PDE4D: variants seen among roughly 807,000 people sequenced by gnomAD.
PDE4D encodes phosphodiesterase 4D.
Under a neutral mutation model 87.4 loss-of-function variants are expected in PDE4D, and 24 were observed. The observed-to-expected ratio is 0.27, with a 90% CI of 0.20 to 0.39. The LOEUF (loss-of-function observed/expected upper bound fraction) is 0.39, where lower values mean the gene tolerates loss of function less well. PDE4D is among the 10% of genes least tolerant of loss of function. PDE4D has a pLI of 1.00. For missense variants in PDE4D, 714 were observed against 1,041.0 expected (o/e 0.69, Z 4.32); for synonymous variants, 384 against 383.2 (o/e 1.00, Z -0.02).
At chr5:59,561,763 C>G (rs1419890198) in intron 1 of PDE4D, among the ~76,000 whole-genome samples, 1 of 151,610 alleles carries the variant, frequency 6.6e-6, no homozygotes, top group Non-Finnish European at 1.5e-5. Context: ...AAACCCGTCT[C>G]TACTAAAAAT....
chr5:59,566,035 G>C (rs1820824720), intron 1 of PDE4D, among the ~76,000 whole-genome samples: 2 of 152,204 alleles, frequency 1.3e-5, no homozygotes, highest in South Asian at 4.1e-4. Context: ...ACATGCATAT[G>C]AGTGGGTGGG....
rs76612193 is a variant in PDE4D, at chr5:60,193,230, G to A, written c.-89-7543C>T. Among the ~76,000 whole-genome samples the A allele has an allele frequency of 4.7e-3, 710 of 152,204 alleles. 12 individuals carry two copies. The highest frequency in any genetic ancestry group is 0.016 in the African/African-American group (680 of 41,498). On this transcript the variant is annotated intron_variant, in intron 1 of 16. Coordinates refer to the PDE4D transcript ENST00000502484. ...CCTGCCTGTGCTAGTTTCCGGGAAT[G>A]CAAAACACATGGAACATGAGACAAA...
At chr5:59,641,402 G>A (rs1466107689) in intron 1 of PDE4D, among the ~76,000 whole-genome samples, 1 of 152,196 alleles carries the variant, frequency 6.6e-6, no homozygotes, top group Non-Finnish European at 1.5e-5. Context: ...GACTTCCCGT[G>A]TGTTCCTTCA....
In PDE4D at chr5:59,528,873, A is replaced by C. The variant is rs556432706; in HGVS notation, c.456-312905T>G. On this transcript the variant is annotated intron_variant, in intron 1 of 14. Transcript: ENST00000340635. ...GCTGGGTCACCAAAATGTCATTCCC[A>C]AAGTTTACTCCATCGCACCTGGCCA... 5.3e-5 allele frequency: 16 copies of C among 300,826 alleles called. No individual in the cohort carries two copies. In the Admixed American group the frequency reaches 6.3e-4, roughly 12 times the overall value. The allele number at this position is 300,826 out of a possible 1,614,324, so 18.6% of individuals were successfully genotyped here.
At chr5:59,789,828 G>A (rs1304554496) in intron 1 of PDE4D, among the ~76,000 whole-genome samples, 3 of 152,106 alleles carry the variant, frequency 2.0e-5, no homozygotes, top group African/African-American at 4.8e-5. Context: ...GTCCTGATTC[G>A]ATTTCATCCA....
chr5:60,375,996 G>A (rs912688306), intron 1 of PDE4D, among the ~76,000 whole-genome samples: 13 of 152,090 alleles, frequency 8.5e-5, no homozygotes, highest in East Asian at 1.9e-4. Flanking sequence ...CTGAGATCGC[G>A]CCACTGCACT....
intron 1 of PDE4D, among the ~76,000 whole-genome samples, chr5:59,505,056 C>T (rs1809007362): frequency 6.6e-6 from 1 of 152,014 alleles, no homozygotes; most frequent in South Asian, 2.1e-4. Flanking sequence ...TCTGAATCCA[C>T]ACAATGGATA....
At chr5:59,914,870 T>G (rs1228983508) in intron 3 of PDE4D, among the ~76,000 whole-genome samples, 2 of 39,028 alleles carry the variant, frequency 5.1e-5, no homozygotes, top group African/African-American at 3.2e-4. Context: ...GATAGGGGTG[T>G]GTGTGTGTGT....
intron 1 of PDE4D, among the ~76,000 whole-genome samples, chr5:60,414,240 TG>T (rs1211242273): frequency 6.6e-6 from 1 of 152,226 alleles, no homozygotes; most frequent in Non-Finnish European, 1.5e-5. Context: ...ATCCATACAT[TG>T]TTTTTATATT....
intron 1 of PDE4D, among the ~76,000 whole-genome samples, chr5:59,423,023 T>A (rs2153628082): frequency 6.6e-6 from 1 of 152,322 alleles, no homozygotes; most frequent in Non-Finnish European, 1.5e-5. Flanking sequence ...AATCACTTGT[T>A]TCTCTCCAAA....
At chr5:59,526,188 A>G (rs1264082811) in intron 1 of PDE4D, among the ~76,000 whole-genome samples, 1 of 152,210 alleles carries the variant, frequency 6.6e-6, no homozygotes, top group Middle Eastern at 3.2e-3. Flanking sequence ...GGCAGACCAC[A>G]GAGCTTAGAA....
chr5:59,386,270 T>C (rs1470558252), intron 1 of PDE4D, among the ~76,000 whole-genome samples: 4 of 152,170 alleles, frequency 2.6e-5, no homozygotes, highest in African/African-American at 4.8e-5. Flanking sequence ...AACTGTTACA[T>C]TGAATACTAG....
At chr5:59,099,517 A>G (rs1208143286) in intron 5 of PDE4D, among the ~76,000 whole-genome samples, 4 of 152,228 alleles carry the variant, frequency 2.6e-5, no homozygotes, top group Non-Finnish European at 5.9e-5. Flanking sequence ...ACATGTTTAC[A>G]TGGCCACTAA....
intron 1 of PDE4D, among the ~76,000 whole-genome samples, chr5:59,551,323 T>A (rs1818079915): frequency 6.7e-6 from 1 of 149,750 alleles, no homozygotes; most frequent in Admixed American, 6.7e-5. Context: ...AATAAATATT[T>A]AATAAAATAT....
rs191511906 is a variant in PDE4D, at chr5:59,756,623, C to T, written c.455+136545G>A. ...TTTTTTTCCACTATGGCAATCAAAA[C>T]CAACATCACCAGGACTTCTAGTCTG... On this transcript the variant is annotated intron_variant, in intron 1 of 14. Coordinates refer to ENST00000340635, the MANE Select transcript of PDE4D (RefSeq NM_001104631.2). Among the ~76,000 whole-genome samples the T allele has an allele frequency of 5.3e-5, 8 of 151,816 alleles. No individual in the cohort carries two copies. The East Asian group carries it at 1.5e-3, about 29-fold the overall frequency.
chr5:60,402,090 C>T (rs761865841), intron 1 of PDE4D, among the ~76,000 whole-genome samples: 8 of 152,178 alleles, frequency 5.3e-5, no homozygotes, highest in Non-Finnish European at 8.8e-5. Context: ...TGACTTCAAA[C>T]GCTCTCTCTC....
intron 12 of PDE4D, 143 bp downstream of exon 12, chr5:58,977,048 T>C: frequency 1.4e-6 from 1 of 699,584 alleles, no homozygotes; most frequent in Non-Finnish European, 2.3e-6. Flanking sequence ...ACAGCCAGCA[T>C]CACGGGCAGC....
At chr5:59,046,910 A>G (rs17776777) in intron 5 of PDE4D, among the ~76,000 whole-genome samples, 36,550 of 152,158 alleles carry the variant, frequency 0.24, 5,207 homozygotes, top group Middle Eastern at 0.39. Flanking sequence ...CTTTGAAAGA[A>G]ACTGGAAGAG....
intron 1 of PDE4D, among the ~76,000 whole-genome samples, chr5:59,781,717 G>A (rs1232810168): frequency 5.4e-5 from 8 of 148,410 alleles, no homozygotes; most frequent in South Asian, 2.2e-4. Context: ...TCCAGGAGGC[G>A]GAGGTTGCAG....
Sources: allele counts gnomAD v4.1 joint callset (sites outside exome capture counted in the v4.1 genomes callset), GRCh38; gene constraint gnomAD v4.1.1; transcripts MANE v1.5; gene names NCBI Gene and HGNC (gene_info 2026-07-23, HGNC 2026-07-21).